QTMAN: variants seen among roughly 807,000 people sequenced by gnomAD.
The protein encoded by QTMAN is queuosine-tRNA mannosyltransferase.
chr2:144,042,264 T>G, the QTMAN span, among the ~76,000 whole-genome samples: 6 of 152,064 alleles, frequency 3.9e-5, no homozygotes, highest in Admixed American at 3.9e-4. Flanking sequence ...TGGAAAGAAG[T>G]GAGAGAAAGC....
At chr2:144,239,114 G>A in the QTMAN span, among the ~76,000 whole-genome samples, 1 of 150,262 alleles carries the variant, frequency 6.7e-6, no homozygotes, top group African/African-American at 2.5e-5. Context: ...ATTTCTTGAG[G>A]GCCTAACTGC....
At chr2:144,159,387 T>C in the QTMAN span, among the ~76,000 whole-genome samples, 1 of 152,032 alleles carries the variant, frequency 6.6e-6, no homozygotes, top group Admixed American at 6.6e-5. Flanking sequence ...TTCTTGTACT[T>C]GCAACATGGT....
the QTMAN span, among the ~76,000 whole-genome samples, chr2:144,222,607 C>A: frequency 1.1e-4 from 16 of 151,524 alleles, no homozygotes; most frequent in African/African-American, 3.9e-4. Context: ...GAGATCAAGA[C>A]CATCTTGGCT....
At chr2:144,084,018 T>G in the QTMAN span, among the ~76,000 whole-genome samples, 608 of 152,352 alleles carry the variant, frequency 4.0e-3, 6 homozygotes, top group Non-Finnish European at 7.7e-3. Flanking sequence ...AGAGAAATAT[T>G]TCTCAACTAT....
At chr2:143,987,302 C>T in the QTMAN span, among the ~76,000 whole-genome samples, 16 of 152,206 alleles carry the variant, frequency 1.1e-4, no homozygotes, top group African/African-American at 3.4e-4. Context: ...CAAATGGAAA[C>T]ATAAAGACAA....
chr2:143,978,814 T>C, the QTMAN span, among the ~76,000 whole-genome samples: 1 of 152,264 alleles, frequency 6.6e-6, no homozygotes, highest in Non-Finnish European at 1.5e-5. Flanking sequence ...AATGTGGTAA[T>C]TGGGGCTGTA....
At chr2:144,133,353 T>C in the QTMAN span, among the ~76,000 whole-genome samples, 1 of 38,300 alleles carries the variant, frequency 2.6e-5, no homozygotes, top group African/African-American at 9.7e-5. Context: ...ATTATATATG[T>C]ATATATATAA....
chr2:144,032,682 G>T, the QTMAN span, among the ~76,000 whole-genome samples: 10 of 152,288 alleles, frequency 6.6e-5, no homozygotes, highest in East Asian at 1.7e-3. Context: ...GGTGGTGGGG[G>T]ACTTCAACCA....
chr2:144,279,504 G>A, the QTMAN span, among the ~76,000 whole-genome samples: 1 of 152,046 alleles, frequency 6.6e-6, no homozygotes, highest in Admixed American at 6.6e-5. Flanking sequence ...CTGCGGAACA[G>A]CCCTTCAGAT....
chr2:144,325,164 T>C, the QTMAN span, among the ~76,000 whole-genome samples: 4 of 152,226 alleles, frequency 2.6e-5, no homozygotes, highest in African/African-American at 4.8e-5. Context: ...CTCAATCCCA[T>C]ATCTTTTATA....
chr2:143,960,648 G>C, the QTMAN span, among the ~76,000 whole-genome samples: 1 of 152,040 alleles, frequency 6.6e-6, no homozygotes, highest in Non-Finnish European at 1.5e-5. Context: ...GGTGAAGAAC[G>C]AGTGAGAGGC....
At chr2:144,193,391 C>G in the QTMAN span, among the ~76,000 whole-genome samples, 1 of 148,392 alleles carries the variant, frequency 6.7e-6, no homozygotes, top group Admixed American at 6.8e-5. Context: ...ATTACTACAC[C>G]TATTATATAT....
chr2:144,226,101 A>G, the QTMAN span, among the ~76,000 whole-genome samples: 17 of 152,242 alleles, frequency 1.1e-4, no homozygotes, highest in Non-Finnish European at 2.5e-4. Context: ...AGGTATTACT[A>G]TGGTATTCAG....
At chr2:144,297,952 T>C in the QTMAN span, among the ~76,000 whole-genome samples, 1 of 151,886 alleles carries the variant, frequency 6.6e-6, no homozygotes, top group Non-Finnish European at 1.5e-5. Context: ...CTGTATAGTA[T>C]ACATTATTAT....
At chr2:144,314,025 A>G in the QTMAN span, among the ~76,000 whole-genome samples, 1 of 152,044 alleles carries the variant, frequency 6.6e-6, no homozygotes. Flanking sequence ...CAATCCTATC[A>G]AAGAATAATT....
chr2:144,219,526 T>C, the QTMAN span, among the ~76,000 whole-genome samples: 1 of 152,014 alleles, frequency 6.6e-6, no homozygotes, highest in Non-Finnish European at 1.5e-5. Flanking sequence ...AACCATGTTT[T>C]AAAGCTGTAT....
At chr2:144,154,358 A>T in the QTMAN span, among the ~76,000 whole-genome samples, 1 of 152,140 alleles carries the variant, frequency 6.6e-6, no homozygotes, top group East Asian at 1.9e-4. Flanking sequence ...GAATAGAGAG[A>T]GTGGCTAACA....
the QTMAN span, among the ~76,000 whole-genome samples, chr2:144,313,480 C>CA: frequency 6.6e-6 from 1 of 151,468 alleles, no homozygotes; most frequent in African/African-American, 2.4e-5. Flanking sequence ...TACAGATTTA[C>CA]AAAAAAATGA....
the QTMAN span, among the ~76,000 whole-genome samples, chr2:143,962,516 G>T: frequency 1.3e-5 from 2 of 152,098 alleles, no homozygotes; most frequent in Non-Finnish European, 2.9e-5. Context: ...ATACTATTAT[G>T]ATTATCTTCT....
Sources: allele counts gnomAD v4.1 joint callset (sites outside exome capture counted in the v4.1 genomes callset), GRCh38; gene constraint gnomAD v4.1.1; transcripts MANE v1.5; gene names NCBI Gene and HGNC (gene_info 2026-07-23, HGNC 2026-07-21).